Variants in GLCE observed in about 807,000 individuals in gnomAD.
GLCE encodes the protein D-glucuronyl C5-epimerase.
GLCE carries 19 observed loss-of-function variants against 47.9 expected under a neutral mutation model. The observed-to-expected ratio is 0.40, with a 90% CI of 0.28 to 0.58. The LOEUF is 0.58. Ranked by LOEUF, GLCE falls within the 20% of genes least tolerant of loss-of-function variation. The probability of loss-of-function intolerance (pLI) is 0.48; values close to 1 mark genes in which losing one functional copy is unlikely to be tolerated. For missense variants in GLCE, 556 were observed against 743.3 expected (o/e 0.75, Z 2.93); for synonymous variants, 245 against 263.4 (o/e 0.93, Z 0.68).
intron 2 of GLCE, among the ~76,000 whole-genome samples, chr15:69,216,640 G>A (rs1403647995): frequency 4.6e-5 from 7 of 151,996 alleles, no homozygotes; most frequent in Non-Finnish European, 7.4e-5. Context: ...CTATTTGTTT[G>A]CTGTATAACA....
In GLCE at chr15:69,162,661, G is replaced by A. The variant is rs1228792384; in HGVS notation, c.-105+1904G>A. On this transcript the variant is annotated intron_variant, in intron 1 of 4. Transcript: ENST00000261858. The stretch of plus-strand genomic sequence containing the variant: ...AGCCTCGACCTCCAAAGCTCAAGCA[G>A]CCCTCCCAGTTCAGCTTCCCATCCC... 3.3e-5 allele frequency among the ~76,000 whole-genome samples: 5 copies of A among 152,080 alleles called. No homozygotes were observed. In the East Asian group the frequency reaches 9.6e-4, roughly 29 times the overall value.
intron 1 of GLCE, among the ~76,000 whole-genome samples, chr15:69,209,807 CAG>C (rs748843461): frequency 6.6e-6 from 1 of 152,188 alleles, no homozygotes; most frequent in African/African-American, 2.4e-5. Flanking sequence ...GGCAGGAGGA[CAG>C]AGAGAGAAGC....
chr15:69,201,546 T>C (rs1007403185), intron 1 of GLCE, among the ~76,000 whole-genome samples: 1 of 150,926 alleles, frequency 6.6e-6, no homozygotes, highest in African/African-American at 2.4e-5. Context: ...CATATTTATG[T>C]AAGCTCTTTG....
rs750142504 is a variant in GLCE at position 69,256,153 on chromosome 15, CAATT to C, written c.350_353del (p.Ile117LysfsTer74). ...GACTGTCTCATAAATGATGAACACA[CAATT>C]AAAGGGAGACGAGAGGGGAACGAAG... On this transcript the variant is annotated frameshift_variant, in exon 3 of 5. Transcript: ENST00000261858. LOFTEE classifies it high-confidence loss of function. 2 of 1,613,904 alleles carry C rather than the reference CAATT, an allele frequency of 1.2e-6. No homozygotes were observed. The highest frequency in any genetic ancestry group is 1.7e-6 in the Non-Finnish European group (2 of 1,179,844).
chr15:69,255,867 A>G lies in GLCE; in HGVS notation c.61A>G (p.Thr21Ala), dbSNP rs1375377811. The G allele has an allele frequency of 1.2e-6, 2 of 1,613,904 alleles. No homozygotes were observed. Among genetic ancestry groups the G allele is most frequent in the Admixed American group, 1.7e-5 (1 of 59,976 alleles). Residue 21 changes from threonine to alanine, a missense_variant, in exon 3 of 5, where the codon ACT becomes GCT. By Grantham distance (58) the Thr-to-Ala change is moderately conservative. Transcript: ENST00000261858. The stretch of plus-strand genomic sequence containing the variant: ...TTTGATTATTATCTGCGCACTCTTC[A>G]CTTTGGTCACAGTACTTTTGTGGAA... ...KTLIIICALF[T>A]LVTVLLWNKC...
intron 1 of GLCE, among the ~76,000 whole-genome samples, chr15:69,209,710 A>T (rs1029688611): frequency 6.6e-6 from 1 of 152,080 alleles, no homozygotes; most frequent in Non-Finnish European, 1.5e-5. Flanking sequence ...CTAATTCTGC[A>T]TGGCTCCCCT....
chr15:69,224,364 T>G (rs1468646047), intron 2 of GLCE, among the ~76,000 whole-genome samples: 2 of 152,236 alleles, frequency 1.3e-5, no homozygotes, highest in African/African-American at 4.8e-5. Context: ...CATGATCATT[T>G]TCCAGTTTTG....
At chr15:69,265,302 G>A (rs1334243003) in intron 4 of GLCE, among the ~76,000 whole-genome samples, 2 of 152,024 alleles carry the variant, frequency 1.3e-5, no homozygotes, top group Non-Finnish European at 2.9e-5. Flanking sequence ...GGAATCTTCA[G>A]ATAGCCTAGT....
intron 2 of GLCE, among the ~76,000 whole-genome samples, chr15:69,225,183 T>C (rs200724450): frequency 5.5e-5 from 8 of 145,328 alleles, no homozygotes; most frequent in African/African-American, 2.0e-4. Flanking sequence ...TTTTTTTTTT[T>C]CTTTTTTGCA....
rs557410654 is a variant in GLCE at position 69,207,309 on chromosome 15, G to A, written c.-104-3007G>A. On this transcript the variant is annotated intron_variant, in intron 1 of 4. Coordinates refer to ENST00000261858, the MANE Select transcript of GLCE (RefSeq NM_015554.3). ...AGTCTTTGTGATGTGCGGTTCTGTG[G>A]GTTTTGACAAATGCATAACGTCATG... Among the ~76,000 whole-genome samples, 8 of 152,070 alleles carry A rather than the reference G, an allele frequency of 5.3e-5. 1 individual carries two copies. Among genetic ancestry groups the A allele is most frequent in the African/African-American group, 1.9e-4 (8 of 41,510 alleles).
chr15:69,248,023 C>T (rs1347913886), intron 2 of GLCE, among the ~76,000 whole-genome samples: 1 of 152,132 alleles, frequency 6.6e-6, no homozygotes, highest in East Asian at 1.9e-4. Flanking sequence ...TACTCAGTTT[C>T]CTTGGGATTT....
At chr15:69,180,090 A>G (rs760348443) in intron 1 of GLCE, among the ~76,000 whole-genome samples, 25 of 152,216 alleles carry the variant, frequency 1.6e-4, no homozygotes, top group South Asian at 4.1e-4. Context: ...CATGGAAATA[A>G]TTAGTATAGT....
At chr15:69,197,219 C>T (rs772640540) in intron 1 of GLCE, 2 of 423,048 alleles carry the variant, frequency 4.7e-6, no homozygotes, top group Non-Finnish European at 9.6e-6. Flanking sequence ...AAAGTTTTGC[C>T]TCATCCACCG....
intron 1 of GLCE, among the ~76,000 whole-genome samples, chr15:69,207,828 G>C (rs7165374): frequency 0.99 from 151,331 of 152,186 alleles, 75,248 homozygotes; most frequent in East Asian, 1. Flanking sequence ...GCCAAACTGT[G>C]TTTCAGGTGG....
At chr15:69,268,107 T>C (rs1217738477) in intron 4 of GLCE, 113 bp from the exon 5 acceptor site, 4 of 624,010 alleles carry the variant, frequency 6.4e-6, no homozygotes, top group Admixed American at 3.0e-5. Context: ...ACTAAAAATA[T>C]GTAAGTGTTA....
At chr15:69,196,117 A>G (rs1205475148) in intron 1 of GLCE, among the ~76,000 whole-genome samples, 2 of 152,118 alleles carry the variant, frequency 1.3e-5, no homozygotes, top group Admixed American at 1.3e-4. Context: ...ATCTGTACAG[A>G]TATCTCAGGG....
intron 1 of GLCE, among the ~76,000 whole-genome samples, chr15:69,209,908 C>T (rs1281623826): frequency 2.0e-5 from 3 of 152,014 alleles, no homozygotes; most frequent in Admixed American, 1.3e-4. Flanking sequence ...TCTTAGTAAC[C>T]TCCATTGCCA....
intron 1 of GLCE, among the ~76,000 whole-genome samples, chr15:69,178,454 C>G (rs1195818604): frequency 6.6e-6 from 1 of 152,000 alleles, no homozygotes; most frequent in Non-Finnish European, 1.5e-5. Context: ...GTTTTCTCAT[C>G]AGTAAAATGT....
rs1052621994 is a variant in GLCE at position 69,269,531 on chromosome 15, T to C, written c.*287T>C. The C allele has an allele frequency of 2.1e-5, 8 of 373,254 alleles. No individual in the cohort carries two copies. In the Admixed American group the frequency reaches 3.0e-4, roughly 14 times the overall value. The allele number at this position is 373,254 out of a possible 1,614,324, so 23.1% of individuals were successfully genotyped here. On this transcript the variant is annotated 3_prime_UTR_variant, in exon 5 of 5. Transcript: ENST00000261858. The stretch of plus-strand genomic sequence containing the variant: ...CTATACAGTTTCGCAGATAGTCTAG[T>C]CACTCTATGTGAGAAAGATAATGGT...
Sources: gnomAD v4.1 joint callset for allele counts (sites outside exome capture counted in the v4.1 genomes callset) on GRCh38, gnomAD v4.1.1 for gene constraint, MANE v1.5 for transcripts, NCBI Gene and HGNC (gene_info 2026-07-23, HGNC 2026-07-21) for gene names.